Variants in TBK1 observed in about 807,000 individuals in gnomAD.
TBK1 encodes the protein TANK binding kinase 1.
A neutral mutation model predicts 99.9 loss-of-function variants in TBK1; 37 were observed. The ratio of observed to expected loss-of-function variants is 0.37; its 90% CI spans 0.28 to 0.49. The LOEUF (loss-of-function observed/expected upper bound fraction) is 0.49, where lower values mean the gene tolerates loss of function less well. Among genes scored for constraint, TBK1 ranks in the 20% least tolerant of loss-of-function variants. The pLI, the probability that TBK1 is intolerant of heterozygous loss-of-function variation, is 0.98. For missense variants in TBK1, 644 were observed against 872.5 expected (o/e 0.74, Z 3.30); for synonymous variants, 258 against 279.8 (o/e 0.92, Z 0.78).
intron 5 of TBK1, among the ~76,000 whole-genome samples, chr12:64,469,644 G>A (rs2040641744): frequency 6.6e-6 from 1 of 152,188 alleles, no homozygotes; most frequent in South Asian, 2.1e-4. Flanking sequence ...AGAGCAGTGA[G>A]CCTCCAATAA....
chr12:64,459,278 G>A (rs558114385), intron 2 of TBK1, among the ~76,000 whole-genome samples: 63 of 152,314 alleles, frequency 4.1e-4, no homozygotes, highest in African/African-American at 1.4e-3. Context: ...GACTGGCCAC[G>A]AGGGAGAGGC....
chr12:64,457,731 G>T (rs144028137), intron 2 of TBK1, among the ~76,000 whole-genome samples: 2 of 152,144 alleles, frequency 1.3e-5, no homozygotes, highest in Non-Finnish European at 2.9e-5. Flanking sequence ...CACATATCCT[G>T]CTCCTCTTTC....
chr12:64,498,803 A>G (rs975957811), intron 20 of TBK1, among the ~76,000 whole-genome samples: 7 of 151,890 alleles, frequency 4.6e-5, no homozygotes, highest in African/African-American at 1.7e-4. Flanking sequence ...CAAAAATACA[A>G]AAATTAGCTG....
At chr12:64,483,397 C>T (rs1019022669) in intron 8 of TBK1, among the ~76,000 whole-genome samples, 2 of 152,140 alleles carry the variant, frequency 1.3e-5, no homozygotes, top group African/African-American at 4.8e-5. Context: ...TTGATCTATT[C>T]ATGGGGAAGC....
rs1279619378 is a variant in TBK1 at position 64,455,939 on chromosome 12, C to CT, written c.72dup (p.Arg25SerfsTer5). The CT allele has an allele frequency of 6.2e-7, 1 of 1,613,390 alleles. No individual in the cohort carries two copies. Among genetic ancestry groups the CT allele is most frequent in the Non-Finnish European group, 8.5e-7 (1 of 1,179,726 alleles). On this transcript the variant is annotated frameshift_variant, in exon 2 of 21. Coordinates refer to ENST00000331710, the MANE Select transcript of TBK1 (RefSeq NM_013254.4). LOFTEE classifies it high-confidence loss of function. The stretch of plus-strand genomic sequence containing the variant: ...TAGGCCAAGGAGCTACTGCAAATGT[C>CT]TTTCGTGGAAGACATAAGGTTAGTA...
chr12:64,501,054 G>T (rs1251146931), intron 20 of TBK1, among the ~76,000 whole-genome samples: 2 of 151,836 alleles, frequency 1.3e-5, no homozygotes, highest in African/African-American at 4.8e-5. Flanking sequence ...CCACTGCGCC[G>T]GCCCCAATTC....
intron 16 of TBK1, 110 bp downstream of exon 16, chr12:64,496,516 A>C (rs2040926201): frequency 1.8e-6 from 1 of 546,002 alleles, no homozygotes; most frequent in Admixed American, 4.3e-5. Context: ...AATACATTTT[A>C]ATCTTGATTT....
At chr12:64,499,284 A>T (rs921955262) in intron 20 of TBK1, among the ~76,000 whole-genome samples, 9 of 151,888 alleles carry the variant, frequency 5.9e-5, no homozygotes, top group African/African-American at 2.2e-4. Context: ...ACCTCAGGTG[A>T]TCCACTTGCC....
intron 5 of TBK1, among the ~76,000 whole-genome samples, chr12:64,472,716 T>G (rs1337656176): frequency 6.6e-6 from 1 of 152,182 alleles, no homozygotes; most frequent in Non-Finnish European, 1.5e-5. Flanking sequence ...AGAATTGTCT[T>G]GGGCCACATA....
chr12:64,492,029 G>C (rs960133210), intron 13 of TBK1, among the ~76,000 whole-genome samples: 2 of 152,162 alleles, frequency 1.3e-5, no homozygotes, highest in African/African-American at 4.8e-5. Flanking sequence ...GAAAACCATA[G>C]CTATAGAATA....
intron 20 of TBK1, among the ~76,000 whole-genome samples, chr12:64,500,846 C>T (rs1461449534): frequency 3.4e-5 from 5 of 149,016 alleles, no homozygotes; most frequent in East Asian, 2.0e-4. Context: ...GCAACCTCTG[C>T]CTCCCGGGTT....
chr12:64,466,901 T>C lies in TBK1; in HGVS notation c.359T>C (p.Val120Ala). 1 of 1,557,758 alleles carries C rather than the reference T, an allele frequency of 6.4e-7. No homozygotes were observed. The highest frequency in any genetic ancestry group is 8.7e-7 in the Non-Finnish European group (1 of 1,151,438). ...SEFLIVLRDV[V>A]GGMNHLRENG... ...CTTCTTTTGTTTTATATTGTTGAAG[T>C]GGGTGGAATGAATCATCTACGAGAG... Residue 120 changes from valine to alanine, a missense_variant and splice_region_variant, in exon 5 of 21, where the codon GTG becomes GCG. Coordinates refer to ENST00000331710, the MANE Select transcript of TBK1 (RefSeq NM_013254.4).
intron 19 of TBK1, 71 bp from the exon 20 acceptor site, chr12:64,497,897 A>G (rs938081161): frequency 6.0e-6 from 9 of 1,488,044 alleles, no homozygotes; most frequent in Non-Finnish European, 8.4e-6. Context: ...TTAAAAGAAA[A>G]TAAAACATAA....
chr12:64,481,212 G>C (rs1010055391), intron 7 of TBK1, among the ~76,000 whole-genome samples: 3 of 152,004 alleles, frequency 2.0e-5, no homozygotes, highest in Admixed American at 2.0e-4. Context: ...AGTGTAAAGG[G>C]CTCAGAAAAT....
chr12:64,460,174 C>A lies in TBK1; in HGVS notation c.88-15C>A. On this transcript the variant is annotated splice_polypyrimidine_tract_variant and intron_variant, in intron 2 of 20. Transcript: ENST00000331710. ...TATTATGAATAAATAAAACATTTCT[C>A]TCTCTTTTTTAAAGAAAACTGGTGA... The A allele has an allele frequency of 6.9e-7, 1 of 1,444,330 alleles. No homozygotes were observed. Among genetic ancestry groups the A allele is most frequent in the Non-Finnish European group, 9.3e-7 (1 of 1,074,292 alleles). 89.5% of individuals were successfully genotyped at this position (1,444,330 alleles called of 1,614,324 possible). A position where few individuals can be genotyped will look rare whatever the true frequency, so the allele number is the denominator to read the frequency against.
chr12:64,476,682 C>G (rs1000455135), intron 6 of TBK1, among the ~76,000 whole-genome samples: 4 of 152,054 alleles, frequency 2.6e-5, no homozygotes, highest in Non-Finnish European at 5.9e-5. Flanking sequence ...AATTAAGTCT[C>G]CTTTGTCTAT....
At chr12:64,454,278 G>A (rs551008048) in intron 1 of TBK1, among the ~76,000 whole-genome samples, 1 of 152,112 alleles carries the variant, frequency 6.6e-6, no homozygotes, top group Non-Finnish European at 1.5e-5. Context: ...ATGGAGTCTC[G>A]CTCTGTCACC....
At chr12:64,479,899 G>A (rs2040751335) in intron 6 of TBK1, 113 bp from the exon 7 acceptor site, 1 of 632,272 alleles carries the variant, frequency 1.6e-6, no homozygotes, top group Non-Finnish European at 2.7e-6. Flanking sequence ...CAATCACAAA[G>A]TTTCATCTAG....
Position 64,480,089 on chromosome 12 carries a change from G to T in TBK1, c.779G>T (p.Ser260Ile). ...QKAENGPIDWSGDMPVSCSLS... is the reference protein window; with the variant it reads ...QKAENGPIDWIGDMPVSCSLS... ...GCAGAAAATGGACCAATTGACTGGAGTGGAGACATGCCTGTTTCTTGCAGT... is the reference window on the plus strand; with the variant it reads ...GCAGAAAATGGACCAATTGACTGGATTGGAGACATGCCTGTTTCTTGCAGT... The change falls in exon 7 of 21, where the codon AGT (serine) becomes ATT (isoleucine). Residue 260 changes from serine to isoleucine, a missense_variant. By Grantham distance (142) the Ser-to-Ile change is moderately radical. Around this residue, in one of 3 missense-constraint regions of TBK1, gnomAD observed 465 missense variants for 588.0 expected, o/e 0.79. Transcript: ENST00000331710. 1 of 1,613,042 alleles carries T rather than the reference G, an allele frequency of 6.2e-7. No homozygotes were observed. The highest frequency in any genetic ancestry group is 8.5e-7 in the Non-Finnish European group (1 of 1,179,380).
Sources: gnomAD v4.1 joint callset for allele counts (sites outside exome capture counted in the v4.1 genomes callset) on GRCh38, gnomAD v4.1.1 for gene constraint, gnomAD v4.1.1 regional missense constraint, MANE v1.5 for transcripts, NCBI Gene and HGNC (gene_info 2026-07-23, HGNC 2026-07-21) for gene names.